CTNNA2: variants seen among roughly 807,000 people sequenced by gnomAD.
CTNNA2 encodes catenin alpha-2.
Under a neutral mutation model 101.0 loss-of-function variants are expected in CTNNA2, and 42 were observed. The observed-to-expected ratio is 0.42, with a 90% CI of 0.32 to 0.54. The LOEUF (loss-of-function observed/expected upper bound fraction) is 0.54, where lower values mean the gene tolerates loss of function less well. Among genes scored for constraint, CTNNA2 ranks in the 20% least tolerant of loss-of-function variants. CTNNA2 has a pLI of 0.14. For missense variants in CTNNA2, 871 were observed against 1,223.1 expected (o/e 0.71, Z 4.29); for synonymous variants, 450 against 456.4 (o/e 0.99, Z 0.18).
chr2:80,620,207 G>C (rs1056523328), intron 18 of CTNNA2, among the ~76,000 whole-genome samples: 1 of 151,674 alleles, frequency 6.6e-6, no homozygotes, highest in African/African-American at 2.4e-5. Flanking sequence ...AAGCATCCTG[G>C]TGTGGATTAT....
At chr2:79,260,251 C>T (rs926201573) in intron 2 of CTNNA2, among the ~76,000 whole-genome samples, 3 of 152,094 alleles carry the variant, frequency 2.0e-5, no homozygotes, top group South Asian at 2.1e-4. Context: ...TGTTCTCCCA[C>T]GGTCTCTCTC....
chr2:79,803,617 C>T (rs921547409), intron 3 of CTNNA2, among the ~76,000 whole-genome samples: 10 of 152,356 alleles, frequency 6.6e-5, no homozygotes, highest in Non-Finnish European at 1.3e-4. Context: ...TTCCCATAAA[C>T]CCACAACCTT....
intron 9 of CTNNA2, among the ~76,000 whole-genome samples, chr2:80,497,729 G>A (rs531747458): frequency 6.6e-6 from 1 of 152,282 alleles, no homozygotes; most frequent in South Asian, 2.1e-4. Context: ...TGGCCTTAAA[G>A]GAGCCAACTG....
intron 18 of CTNNA2, among the ~76,000 whole-genome samples, chr2:80,641,163 C>G (rs1176995822): frequency 6.6e-6 from 1 of 152,158 alleles, no homozygotes; most frequent in Non-Finnish European, 1.5e-5. Context: ...CCAGGCATTT[C>G]TAAGCCATTT....
intron 1 of CTNNA2, among the ~76,000 whole-genome samples, chr2:79,623,654 C>A (rs1456147090): frequency 6.6e-6 from 1 of 152,026 alleles, no homozygotes; most frequent in Admixed American, 6.6e-5. Context: ...AGAATATAGA[C>A]CTGTAATCTC....
At chr2:80,638,847 G>A (rs1038076332) in intron 18 of CTNNA2, among the ~76,000 whole-genome samples, 1 of 152,294 alleles carries the variant, frequency 6.6e-6, no homozygotes, top group Non-Finnish European at 1.5e-5. Flanking sequence ...AGTTGAGAAA[G>A]TTACCAAAGA....
intron 7 of CTNNA2, among the ~76,000 whole-genome samples, chr2:80,016,166 AT>A (rs1694125189): frequency 6.6e-6 from 1 of 152,232 alleles, no homozygotes; most frequent in East Asian, 1.9e-4. Context: ...GTAGAAGTAT[AT>A]TTTGCATTAA....
At chr2:79,580,431 C>A (rs1197119380) in intron 1 of CTNNA2, among the ~76,000 whole-genome samples, 1 of 152,124 alleles carries the variant, frequency 6.6e-6, no homozygotes, top group Non-Finnish European at 1.5e-5. Flanking sequence ...AATAGTCCTA[C>A]AACTTCAAGG....
chr2:79,320,751 T>C (rs1676602101), intron 3 of CTNNA2, among the ~76,000 whole-genome samples: 1 of 152,148 alleles, frequency 6.6e-6, no homozygotes, highest in African/African-American at 2.4e-5. Flanking sequence ...GTCAGGCCTA[T>C]GGTAGCCTTT....
At chr2:79,279,614 A>C (rs1442483795) in intron 2 of CTNNA2, among the ~76,000 whole-genome samples, 1 of 152,152 alleles carries the variant, frequency 6.6e-6, no homozygotes, top group Non-Finnish European at 1.5e-5. Flanking sequence ...AACCAAAGAC[A>C]TCTTTAAAGG....
intron 1 of CTNNA2, among the ~76,000 whole-genome samples, chr2:79,635,807 A>G (rs1445758565): frequency 1.3e-5 from 2 of 151,632 alleles, no homozygotes; most frequent in Non-Finnish European, 2.9e-5. Context: ...CCCGGCCAAT[A>G]CATAATAGTT....
chr2:80,203,608 CA>C (rs916013896), intron 7 of CTNNA2, among the ~76,000 whole-genome samples: 2 of 152,242 alleles, frequency 1.3e-5, no homozygotes, highest in Non-Finnish European at 2.9e-5. Flanking sequence ...TGTGGCTTTG[CA>C]GGATATTGCT....
At chr2:79,876,993 G>A (rs1434110) in intron 6 of CTNNA2, among the ~76,000 whole-genome samples, 69,638 of 151,200 alleles carry the variant, frequency 0.46, 16,674 homozygotes, top group East Asian at 0.66. Flanking sequence ...TGGTAAATAA[G>A]TCACTAACTA....
intron 4 of CTNNA2, among the ~76,000 whole-genome samples, chr2:79,471,571 G>T (rs1670999529): frequency 6.6e-6 from 1 of 152,124 alleles, no homozygotes. Flanking sequence ...GGGTGCAGTG[G>T]CTCACGCCTG....
chr2:79,669,897 C>T (rs1292571304), intron 2 of CTNNA2, among the ~76,000 whole-genome samples: 2 of 152,172 alleles, frequency 1.3e-5, no homozygotes, highest in Admixed American at 6.5e-5. Context: ...CAGAAGTCTC[C>T]ACTCCTGTCA....
At chr2:79,231,886 A>C (rs542822131) in intron 2 of CTNNA2, among the ~76,000 whole-genome samples, 1 of 152,142 alleles carries the variant, frequency 6.6e-6, no homozygotes, top group Admixed American at 6.5e-5. Flanking sequence ...TAGAAATTCT[A>C]CTGCTTTCTA....
In CTNNA2 at chr2:80,213,106, T is replaced by A. The variant is rs543457768; in HGVS notation, c.1057-180105T>A. Among the ~76,000 whole-genome samples the A allele has an allele frequency of 2.6e-5, 4 of 152,312 alleles. No homozygotes were observed. The South Asian group carries it at 8.3e-4, about 32-fold the overall frequency. On this transcript the variant is annotated intron_variant, in intron 7 of 18. Transcript: ENST00000402739. The stretch of plus-strand genomic sequence containing the variant: ...GTGTCTATTTGATTCTTCTCTCTTT[T>A]CTTCTTTATTTGTCTTGCTAGCGGC...
intron 2 of CTNNA2, among the ~76,000 whole-genome samples, chr2:79,265,715 A>G (rs1413886716): frequency 6.6e-6 from 1 of 152,178 alleles, no homozygotes; most frequent in Non-Finnish European, 1.5e-5. Context: ...ATAAGAAGGA[A>G]AATTATTTCA....
chr2:79,568,083 A>T (rs1231651411), intron 1 of CTNNA2, among the ~76,000 whole-genome samples: 1 of 151,916 alleles, frequency 6.6e-6, no homozygotes, highest in Non-Finnish European at 1.5e-5. Flanking sequence ...TTTTTTTCTC[A>T]CCTGGTATAT....
Sources: gnomAD v4.1 joint callset for allele counts (sites outside exome capture counted in the v4.1 genomes callset) on GRCh38, gnomAD v4.1.1 for gene constraint, MANE v1.5 for transcripts, NCBI Gene and HGNC (gene_info 2026-07-23, HGNC 2026-07-21) for gene names.